RIMS2: variants seen among roughly 807,000 people sequenced by gnomAD.
The protein encoded by RIMS2 is regulating synaptic membrane exocytosis protein 2.
RIMS2 carries 59 observed loss-of-function variants against 174.4 expected under a neutral mutation model. That is an observed-to-expected ratio of 0.34 (90% CI 0.27 to 0.42). The LOEUF is 0.42. Ranked by LOEUF, RIMS2 falls within the 10% of genes least tolerant of loss-of-function variation. The pLI is 1.00. For synonymous variants in RIMS2, 606 were observed against 572.5 expected, an observed-to-expected ratio of 1.06 and a Z score of -0.84; for missense variants, 1,620 against 1,666.3, an observed-to-expected ratio of 0.97 and a Z score of 0.48.
chr8:103,557,017 T>C (rs2090614923), intron 1 of RIMS2, among the ~76,000 whole-genome samples: 1 of 152,126 alleles, frequency 6.6e-6, no homozygotes, highest in Non-Finnish European at 1.5e-5. Flanking sequence ...AACTTGAAAA[T>C]TAAATCTCGA....
intron 19 of RIMS2, among the ~76,000 whole-genome samples, chr8:104,141,078 A>G (rs1001147619): frequency 3.9e-5 from 6 of 152,080 alleles, no homozygotes; most frequent in Non-Finnish European, 1.5e-5. Context: ...GTTTTTAAAG[A>G]AGACAAAACA....
At chr8:103,680,031 A>G (rs1341602072) in intron 1 of RIMS2, among the ~76,000 whole-genome samples, 2 of 152,090 alleles carry the variant, frequency 1.3e-5, no homozygotes, top group African/African-American at 4.8e-5. Context: ...TAAATTAGCT[A>G]CTGTCTGGTG....
At chr8:104,011,865 C>G (rs990621732) in intron 17 of RIMS2, among the ~76,000 whole-genome samples, 6 of 152,012 alleles carry the variant, frequency 3.9e-5, no homozygotes, top group African/African-American at 9.6e-5. Flanking sequence ...TAGATATACC[C>G]TTTGTTTCTG....
At chr8:103,822,257 T>G (rs2098756631) in intron 3 of RIMS2, among the ~76,000 whole-genome samples, 2 of 151,764 alleles carry the variant, frequency 1.3e-5, no homozygotes, top group African/African-American at 2.4e-5. Flanking sequence ...TCCCCAAATC[T>G]GCAACTCAAC....
At chr8:104,031,430 TTATTGAAAATGAAGTTTGGGATA>T (rs2096390913) in intron 19 of RIMS2, among the ~76,000 whole-genome samples, 3 of 152,116 alleles carry the variant, frequency 2.0e-5, no homozygotes. Flanking sequence ...TGCATTCATT[TTATTGAAAATGAAGTTTGGGATA>T]TACTAGAAGT....
chr8:103,988,236 T>A (rs1267010918), intron 16 of RIMS2, among the ~76,000 whole-genome samples: 2 of 152,236 alleles, frequency 1.3e-5, no homozygotes, highest in African/African-American at 4.8e-5. Context: ...TTTACAGCGA[T>A]ATTTGTATGT....
At chr8:104,212,004 AG>A (rs1465730924) in intron 19 of RIMS2, among the ~76,000 whole-genome samples, 1 of 124,192 alleles carries the variant, frequency 8.1e-6, no homozygotes, top group African/African-American at 3.1e-5. Context: ...GGAATAAAGG[AG>A]GATGTCCAGA....
intron 1 of RIMS2, among the ~76,000 whole-genome samples, chr8:103,609,134 G>A (rs1040401653): frequency 5.9e-5 from 9 of 152,100 alleles, no homozygotes; most frequent in Admixed American, 5.9e-4. Context: ...TCATATGCTT[G>A]TTGGCCACAT....
rs71575985 is a variant in RIMS2, at chr8:103,812,331, GTTTTTT to G, written c.698+45812_698+45817del. 1.1e-4 allele frequency among the ~76,000 whole-genome samples: 12 copies of G among 111,642 alleles called. No homozygotes were observed. In the East Asian group the frequency reaches 2.1e-3, roughly 20 times the overall value. 73.2% of individuals were successfully genotyped at this position (111,642 alleles called of 152,430 possible). On this transcript the variant is annotated intron_variant, in intron 3 of 23. Coordinates refer to ENST00000504942, the Ensembl canonical transcript of RIMS2. Reference sequence around the variant, plus strand: ...GGTCAAATTATTACCTTATTACCTTGTTTTTTTTTTTTTTTTTTTTTTTGTTGTTGT... The same window carrying G: ...GGTCAAATTATTACCTTATTACCTTGTTTTTTTTTTTTTTTTTGTTGTTGT...
At chr8:104,162,772 G>A (rs1343117695) in intron 19 of RIMS2, among the ~76,000 whole-genome samples, 2 of 152,074 alleles carry the variant, frequency 1.3e-5, no homozygotes, top group Admixed American at 6.6e-5. Context: ...AAACCATAAA[G>A]AATTTAATTC....
intron 19 of RIMS2, among the ~76,000 whole-genome samples, chr8:104,033,686 C>G (rs1288511503): frequency 6.6e-6 from 1 of 150,998 alleles, no homozygotes; most frequent in Admixed American, 6.6e-5. Context: ...AATTGAAACC[C>G]TAAATGTCAT....
chr8:103,756,392 T>TG (rs2098007042), intron 2 of RIMS2, among the ~76,000 whole-genome samples: 2 of 149,196 alleles, frequency 1.3e-5, no homozygotes, highest in South Asian at 2.1e-4. Context: ...TTGTTTTTGT[T>TG]TTTTTTTTTT....
intron 17 of RIMS2, among the ~76,000 whole-genome samples, chr8:103,996,030 A>C (rs781391541): frequency 4.6e-5 from 7 of 152,004 alleles, no homozygotes; most frequent in African/African-American, 7.2e-5. Flanking sequence ...ATTGCAAGAG[A>C]TTACAAAAAA....
At chr8:103,949,356 C>T (rs1435373102) in intron 14 of RIMS2, among the ~76,000 whole-genome samples, 1 of 152,094 alleles carries the variant, frequency 6.6e-6, no homozygotes, top group African/African-American at 2.4e-5. Flanking sequence ...ACCTTCTCTC[C>T]AAGTTCATTG....
chr8:103,984,767 T>A (rs989087185), intron 16 of RIMS2, among the ~76,000 whole-genome samples: 2 of 152,234 alleles, frequency 1.3e-5, no homozygotes, highest in African/African-American at 4.8e-5. Flanking sequence ...GTTGCAGTAC[T>A]GTTCACAATA....
intron 1 of RIMS2, among the ~76,000 whole-genome samples, chr8:103,655,131 A>C (rs549944386): frequency 1.3e-5 from 2 of 152,070 alleles, no homozygotes. Context: ...TGTATATTCA[A>C]CTTTGACTTT....
At chr8:104,082,674 C>G (rs769065350) in intron 19 of RIMS2, among the ~76,000 whole-genome samples, 9 of 151,894 alleles carry the variant, frequency 5.9e-5, no homozygotes, top group Non-Finnish European at 1.2e-4. Flanking sequence ...GAATGTTCTA[C>G]ATTTTAAATT....
rs75918841 is a variant in RIMS2 at position 103,668,927 on chromosome 8, T to C, written c.177-28159T>C. Among the ~76,000 whole-genome samples, 11 of 152,298 alleles carry C rather than the reference T, an allele frequency of 7.2e-5. No individual in the cohort carries two copies. The East Asian group carries it at 1.5e-3, about 21-fold the overall frequency. On this transcript the variant is annotated intron_variant, in intron 1 of 23. Coordinates refer to ENST00000504942, the Ensembl canonical transcript of RIMS2. ...TCTCTCTGTGAGTCTACATTTAACA[T>C]TGGATTTATATTCTCTTAAATACCA...
intron 2 of RIMS2, among the ~76,000 whole-genome samples, chr8:103,713,599 C>T (rs996710661): frequency 2.0e-5 from 3 of 152,038 alleles, no homozygotes; most frequent in African/African-American, 7.2e-5. Context: ...TTTTTAGGTT[C>T]TTATCTTCTG....
Sources: gnomAD v4.1 joint callset for allele counts (sites outside exome capture counted in the v4.1 genomes callset) on GRCh38, gnomAD v4.1.1 for gene constraint, MANE v1.5 for transcripts, NCBI Gene and HGNC (gene_info 2026-07-23, HGNC 2026-07-21) for gene names.